The following NFIB variants were observed in gnomAD, a reference collection of about 807,000 sequenced individuals.
The protein encoded by NFIB is nuclear factor I B.
Under a neutral mutation model 61.5 loss-of-function variants are expected in NFIB, and 11 were observed. The ratio of observed to expected loss-of-function variants is 0.18; its 90% CI spans 0.11 to 0.30. The LOEUF (loss-of-function observed/expected upper bound fraction) is 0.30, where lower values mean the gene tolerates loss of function less well. Ranked by LOEUF, NFIB falls within the 10% of genes least tolerant of loss-of-function variation. The probability of loss-of-function intolerance (pLI) is 1.00; values close to 1 mark genes in which losing one functional copy is unlikely to be tolerated. For missense variants in NFIB, 471 were observed against 608.9 expected (o/e 0.77, Z 2.38); for synonymous variants, 260 against 216.5 (o/e 1.20, Z -1.76).
At chr9:14,505,744 C>T in the NFIB span, among the ~76,000 whole-genome samples, 1 of 152,094 alleles carries the variant, frequency 6.6e-6, no homozygotes, top group Admixed American at 6.6e-5. Context: ...GGAGCTGGAC[C>T]ACCTACAGCA....
chr9:14,408,491 G>A, the NFIB span, among the ~76,000 whole-genome samples: 1 of 152,142 alleles, frequency 6.6e-6, no homozygotes, highest in African/African-American at 2.4e-5. Flanking sequence ...GACCACAATG[G>A]AGGCGGGAAT....
the NFIB span, among the ~76,000 whole-genome samples, chr9:14,450,266 T>C: frequency 6.6e-6 from 1 of 152,106 alleles, no homozygotes; most frequent in Non-Finnish European, 1.5e-5. Context: ...GATGGTTTCA[T>C]TCTCATTAAA....
chr9:14,231,129 AAAAAAAATATAT>A lies in NFIB; in HGVS notation c.563-51361_563-51350del, dbSNP rs1217232555. Among the ~76,000 whole-genome samples, 221 of 78,166 alleles carry A rather than the reference AAAAAAAATATAT, an allele frequency of 2.8e-3. 5 individuals are homozygous for A. In the East Asian group the frequency reaches 0.071, roughly 25 times the overall value. The allele number at this position is 78,166 out of a possible 152,430, so 51.3% of individuals were successfully genotyped here. A position where few individuals can be genotyped will look rare whatever the true frequency, so the allele number is the denominator to read the frequency against. On this transcript the variant is annotated intron_variant, in intron 2 of 10. Coordinates refer to ENST00000380953, the MANE Select transcript of NFIB (RefSeq NM_001190737.2). ...ACAGTTTTTCCATGGGGAAAAAAAA[AAAAAAAATATAT>A]ATATATATATATATATATATATATA...
At chr9:14,248,329 TCTTCCTTCCTTC>T (rs1174633714) in intron 2 of NFIB, among the ~76,000 whole-genome samples, 2 of 148,942 alleles carry the variant, frequency 1.3e-5, no homozygotes, top group Non-Finnish European at 3.0e-5. Flanking sequence ...TTCCTTCCTT[TCTTCCTTCCTTC>T]CTTCCTGTAG....
intron 5 of NFIB, among the ~76,000 whole-genome samples, chr9:14,148,176 G>A (rs2042481849): frequency 2.0e-5 from 3 of 151,958 alleles, no homozygotes; most frequent in African/African-American, 2.4e-5. Context: ...AGGCTGGAGT[G>A]CAGTTGCATG....
rs1319871896 is a variant in NFIB at position 14,313,840 on chromosome 9, C to G, written c.-329G>C. On this transcript the variant is annotated 5_prime_UTR_variant, in exon 1 of 11. Transcript: ENST00000380953. This position sits in a 1 kb window ranked among gnomAD's most constrained non-coding sequence, Gnocchi z 4.5. ...TCGCCTGGGTTTGGGGATTTGTTTT[C>G]TATTTTGCAGTTGTTGTTGTTGTTG... The G allele has an allele frequency of 1.6e-6, 2 of 1,260,822 alleles. No individual in the cohort carries two copies. The highest frequency in any genetic ancestry group is 2.0e-6 in the Non-Finnish European group (2 of 998,138). The allele number at this position is 1,260,822 out of a possible 1,614,324, so 78.1% of individuals were successfully genotyped here.
At chr9:14,160,831 C>CAAAAAAAAAAAAAAAAAAAAAAA (rs36063048) in intron 3 of NFIB, among the ~76,000 whole-genome samples, 3 of 96,326 alleles carry the variant, frequency 3.1e-5, no homozygotes, top group African/African-American at 4.1e-5. Flanking sequence ...AAGGAAATCT[C>CAAAAAAAAAAAAAAAAAAAAAAA]AAAAAAAAAA....
the NFIB span, among the ~76,000 whole-genome samples, chr9:14,500,351 C>T: frequency 3.9e-5 from 6 of 152,082 alleles, no homozygotes; most frequent in Admixed American, 2.6e-4. Flanking sequence ...CACGTTTACC[C>T]CCACAGTGTT....
chr9:14,449,530 G>A, the NFIB span, among the ~76,000 whole-genome samples: 1 of 152,192 alleles, frequency 6.6e-6, no homozygotes. Context: ...GAATGCATGA[G>A]TTGAAAGTGT....
At chr9:14,203,317 G>A (rs2049266288) in intron 2 of NFIB, among the ~76,000 whole-genome samples, 1 of 152,126 alleles carries the variant, frequency 6.6e-6, no homozygotes, top group African/African-American at 2.4e-5. Context: ...CCTCAAATCT[G>A]TGTTTCATAA....
chr9:14,127,906 A>T (rs1323045288), intron 6 of NFIB, among the ~76,000 whole-genome samples: 1 of 150,668 alleles, frequency 6.6e-6, no homozygotes, highest in Non-Finnish European at 1.5e-5. Context: ...TTGATGAGTC[A>T]GAGAACCATT....
intron 1 of NFIB, among the ~76,000 whole-genome samples, chr9:14,388,620 TA>T (rs1253297683): frequency 6.6e-6 from 1 of 152,066 alleles, no homozygotes; most frequent in Admixed American, 6.6e-5. Context: ...TATACCTACA[TA>T]GTAAACATAT....
chr9:14,202,202 T>C (rs1036495854), intron 2 of NFIB, among the ~76,000 whole-genome samples: 2 of 151,992 alleles, frequency 1.3e-5, no homozygotes, highest in African/African-American at 4.8e-5. Context: ...CATTTAATTT[T>C]TGTTTATAGC....
intron 2 of NFIB, among the ~76,000 whole-genome samples, chr9:14,272,441 C>T (rs919877048): frequency 3.3e-5 from 5 of 152,096 alleles, no homozygotes; most frequent in Non-Finnish European, 5.9e-5. Context: ...TCATAAAATG[C>T]TATCATTTAA....
intron 1 of NFIB, among the ~76,000 whole-genome samples, chr9:14,393,974 C>A (rs148592868): frequency 6.6e-6 from 1 of 152,234 alleles, no homozygotes; most frequent in Non-Finnish European, 1.5e-5. Context: ...AGAGGGAATG[C>A]TAAATCAGAC....
At chr9:14,184,044 G>A (rs879645889) in intron 2 of NFIB, among the ~76,000 whole-genome samples, 16 of 152,122 alleles carry the variant, frequency 1.1e-4, no homozygotes, top group East Asian at 9.7e-4. Context: ...CAATCCTTTC[G>A]TCCACTCCTT....
At chr9:14,302,702 C>T (rs764354648) in intron 2 of NFIB, among the ~76,000 whole-genome samples, 31 of 152,250 alleles carry the variant, frequency 2.0e-4, no homozygotes, top group Admixed American at 3.9e-4. Flanking sequence ...CTTCAAAACG[C>T]TTTCCTGCCT....
At chr9:14,106,285 T>C (rs1378307422) in intron 10 of NFIB, among the ~76,000 whole-genome samples, 8 of 152,124 alleles carry the variant, frequency 5.3e-5, no homozygotes, top group Admixed American at 5.2e-4. Context: ...CTTACAAAAA[T>C]GCACACTCAT....
intron 2 of NFIB, among the ~76,000 whole-genome samples, chr9:14,268,638 T>C (rs1273587759): frequency 1.3e-5 from 2 of 152,238 alleles, no homozygotes; most frequent in Non-Finnish European, 2.9e-5. Flanking sequence ...TTGCCTCCTC[T>C]GTACTCCAAT....
Sources: gnomAD v4.1 joint callset for allele counts (sites outside exome capture counted in the v4.1 genomes callset) on GRCh38, gnomAD v4.1.1 for gene constraint, Gnocchi (gnomAD v3.1) non-coding constraint, MANE v1.5 for transcripts, NCBI Gene and HGNC (gene_info 2026-07-23, HGNC 2026-07-21) for gene names.